Variants in PTPRD observed in about 807,000 individuals in gnomAD.
The protein encoded by PTPRD is protein tyrosine phosphatase receptor type D.
A neutral mutation model predicts 214.5 loss-of-function variants in PTPRD; 34 were observed. That is an observed-to-expected ratio of 0.16 (90% CI 0.12 to 0.21). The LOEUF is 0.21. PTPRD is among the 10% of genes least tolerant of loss of function. The probability of loss-of-function intolerance (pLI) is 1.00; values close to 1 mark genes in which losing one functional copy is unlikely to be tolerated. For missense variants in PTPRD, 2,545 were observed against 2,398.7 expected, an observed-to-expected ratio of 1.06 and a Z score of -1.27; for synonymous variants, 1,128 against 845.7, an observed-to-expected ratio of 1.33 and a Z score of -5.79.
intron 43 of PTPRD, among the ~76,000 whole-genome samples, chr9:8,333,285 C>G (rs1809134156): frequency 6.6e-6 from 1 of 152,148 alleles, no homozygotes; most frequent in South Asian, 2.1e-4. Context: ...TTATTCTCCT[C>G]TGAATGTCCT....
intron 2 of PTPRD, among the ~76,000 whole-genome samples, chr9:10,374,600 C>G (rs982544963): frequency 3.3e-5 from 5 of 151,932 alleles, no homozygotes; most frequent in African/African-American, 1.2e-4. Flanking sequence ...AATTGGAGAA[C>G]CTAATCCTGC....
At chr9:9,081,833 T>C (rs2099759566) in intron 10 of PTPRD, among the ~76,000 whole-genome samples, 2 of 152,038 alleles carry the variant, frequency 1.3e-5, no homozygotes, top group South Asian at 4.1e-4. Flanking sequence ...CTTTTTTTTT[T>C]TTTTGCTTTC....
chr9:10,557,939 A>C (rs1407862306), intron 2 of PTPRD, among the ~76,000 whole-genome samples: 1 of 152,198 alleles, frequency 6.6e-6, no homozygotes, highest in Non-Finnish European at 1.5e-5. Context: ...CAATTTGCAC[A>C]GCATTCTGCA....
intron 7 of PTPRD, among the ~76,000 whole-genome samples, chr9:9,655,862 G>A (rs557705826): frequency 1.3e-5 from 2 of 151,768 alleles, no homozygotes; most frequent in East Asian, 2.0e-4. Context: ...CCTGTAATCC[G>A]AGATACTCAG....
intron 3 of PTPRD, among the ~76,000 whole-genome samples, chr9:10,287,073 A>G (rs2095380338): frequency 6.6e-6 from 1 of 152,198 alleles, no homozygotes; most frequent in African/African-American, 2.4e-5. Flanking sequence ...TGCCAATAAA[A>G]AAGATGTTTT....
rs571567523 is a variant in PTPRD, at chr9:9,853,111, A to G, written c.-368+85396T>C. On this transcript the variant is annotated intron_variant, in intron 5 of 45. Transcript: ENST00000381196. ...TTAAATGTACCCTATGACATAGAAG[A>G]CCTCTAGTCTCGGCAGAAGGAGTGC... 2.0e-5 allele frequency among the ~76,000 whole-genome samples: 3 copies of G among 152,298 alleles called. No individual in the cohort carries two copies. In the South Asian group the frequency reaches 6.2e-4, roughly 32 times the overall value.
chr9:8,625,046 G>C (rs548056086), intron 14 of PTPRD, among the ~76,000 whole-genome samples: 5 of 151,794 alleles, frequency 3.3e-5, no homozygotes, highest in African/African-American at 1.2e-4. Flanking sequence ...CCCAATAAAT[G>C]CCAGGAACAT....
intron 2 of PTPRD, among the ~76,000 whole-genome samples, chr9:10,408,172 C>T (rs970888666): frequency 6.6e-6 from 1 of 151,424 alleles, no homozygotes; most frequent in Non-Finnish European, 1.5e-5. Flanking sequence ...CAAGTGACAA[C>T]CAACCTAAGG....
intron 14 of PTPRD, among the ~76,000 whole-genome samples, chr9:8,553,861 G>A (rs2082863503): frequency 6.6e-6 from 1 of 152,134 alleles, no homozygotes; most frequent in African/African-American, 2.4e-5. Context: ...CAAAAAAGAA[G>A]GCGGCCAGTC....
intron 5 of PTPRD, among the ~76,000 whole-genome samples, chr9:9,833,311 G>A (rs2055572191): frequency 6.6e-6 from 1 of 151,958 alleles, no homozygotes; most frequent in African/African-American, 2.4e-5. Context: ...GGTAGGATCC[G>A]TGATGCCCCA....
chr9:9,688,553 T>C (rs1164457403), intron 7 of PTPRD, among the ~76,000 whole-genome samples: 1 of 151,696 alleles, frequency 6.6e-6, no homozygotes, highest in Non-Finnish European at 1.5e-5. Context: ...TCATAAATAG[T>C]AGAACCCTGC....
chr9:10,378,115 G>T (rs1342834899), intron 2 of PTPRD, among the ~76,000 whole-genome samples: 1 of 152,038 alleles, frequency 6.6e-6, no homozygotes, highest in African/African-American at 2.4e-5. Flanking sequence ...TAAATGGAGA[G>T]AGATGATGTA....
intron 3 of PTPRD, among the ~76,000 whole-genome samples, chr9:10,248,109 G>A (rs1298626049): frequency 6.6e-6 from 1 of 152,140 alleles, no homozygotes; most frequent in Non-Finnish European, 1.5e-5. Context: ...CCCCAGCCAT[G>A]TGGAACTGTA....
intron 9 of PTPRD, among the ~76,000 whole-genome samples, chr9:9,331,199 T>C (rs2136555367): frequency 6.6e-6 from 1 of 152,216 alleles, no homozygotes; most frequent in East Asian, 1.9e-4. Flanking sequence ...AAAACCAGCT[T>C]TCACTTAGTT....
intron 21 of PTPRD, among the ~76,000 whole-genome samples, chr9:8,513,049 T>C (rs1257856634): frequency 6.6e-6 from 1 of 152,028 alleles, no homozygotes; most frequent in African/African-American, 2.4e-5. Context: ...ATATAAATAC[T>C]TTCCTTGTCA....
chr9:9,387,599 T>C (rs1310407680), intron 9 of PTPRD, among the ~76,000 whole-genome samples: 2 of 152,188 alleles, frequency 1.3e-5, no homozygotes, highest in East Asian at 3.9e-4. Context: ...ATATCTTCTT[T>C]AAATTAAGTG....
At chr9:9,488,366 T>C (rs2095749632) in intron 8 of PTPRD, among the ~76,000 whole-genome samples, 1 of 152,122 alleles carries the variant, frequency 6.6e-6, no homozygotes, top group South Asian at 2.1e-4. Flanking sequence ...ATTAGACCCT[T>C]CATTTTGATG....
intron 11 of PTPRD, among the ~76,000 whole-genome samples, chr9:8,855,575 C>A (rs2097900983): frequency 6.6e-6 from 1 of 152,044 alleles, no homozygotes; most frequent in Non-Finnish European, 1.5e-5. Flanking sequence ...CTATTTGAAT[C>A]TTATTCCTAT....
At chr9:9,764,394 A>G (rs1049468449) in intron 6 of PTPRD, among the ~76,000 whole-genome samples, 2 of 152,300 alleles carry the variant, frequency 1.3e-5, no homozygotes, top group Admixed American at 1.3e-4. Context: ...AAATAAATGA[A>G]ATTTTGAAAA....
Sources: allele counts gnomAD v4.1 joint callset (sites outside exome capture counted in the v4.1 genomes callset), GRCh38; gene constraint gnomAD v4.1.1; transcripts MANE v1.5; gene names NCBI Gene and HGNC (gene_info 2026-07-23, HGNC 2026-07-21).